ITPR2: variants seen among roughly 807,000 people sequenced by gnomAD.
ITPR2 encodes inositol 1,4,5-trisphosphate-gated calcium channel ITPR2.
In ITPR2, 207 loss-of-function variants were observed where a neutral mutation model predicts 317.1. That is an observed-to-expected ratio of 0.65 (90% CI 0.58 to 0.73). The LOEUF (loss-of-function observed/expected upper bound fraction) is 0.73, where lower values mean the gene tolerates loss of function less well. Among genes scored for constraint, ITPR2 ranks in the 30% least tolerant of loss-of-function variants. ITPR2 has a pLI of 0.00. For missense variants in ITPR2, 2,613 were observed against 3,284.0 expected (o/e 0.80, Z 4.99); for synonymous variants, 1,156 against 1,149.1 (o/e 1.01, Z -0.12).
At chr12:26,613,652 A>G (rs1946319310) in intron 26 of ITPR2, among the ~76,000 whole-genome samples, 1 of 152,182 alleles carries the variant, frequency 6.6e-6, no homozygotes, top group South Asian at 2.1e-4. Context: ...AGACCCTGGC[A>G]TAGAGTCAGG....
At chr12:26,796,161 A>G (rs1950439165) in intron 1 of ITPR2, among the ~76,000 whole-genome samples, 1 of 152,232 alleles carries the variant, frequency 6.6e-6, no homozygotes, top group Admixed American at 6.5e-5. Context: ...TCATTCATAC[A>G]AAGAAGCCAT....
intron 36 of ITPR2, among the ~76,000 whole-genome samples, chr12:26,553,053 G>A (rs948240029): frequency 6.6e-6 from 1 of 152,216 alleles, no homozygotes; most frequent in Non-Finnish European, 1.5e-5. Context: ...CTGTGTGGGA[G>A]TGTGTGTATA....
intron 26 of ITPR2, among the ~76,000 whole-genome samples, chr12:26,619,353 T>C (rs1192010777): frequency 6.6e-6 from 1 of 152,236 alleles, no homozygotes; most frequent in East Asian, 1.9e-4. Context: ...CATTCTTTCT[T>C]ATTCTTCCCT....
At chr12:26,733,174 C>T (rs901130911) in intron 2 of ITPR2, among the ~76,000 whole-genome samples, 10 of 151,888 alleles carry the variant, frequency 6.6e-5, no homozygotes, top group Admixed American at 5.9e-4. Context: ...ATTAGCCAGG[C>T]GCAGTGGCGT....
chr12:26,757,874 C>T (rs1248077201), intron 2 of ITPR2, among the ~76,000 whole-genome samples: 1 of 152,164 alleles, frequency 6.6e-6, no homozygotes, highest in Non-Finnish European at 1.5e-5. Context: ...GAGTCCTTAG[C>T]AAAATATCCT....
chr12:26,424,552 T>C (rs145622645), intron 49 of ITPR2, among the ~76,000 whole-genome samples: 6 of 151,664 alleles, frequency 4.0e-5, no homozygotes, highest in Admixed American at 1.3e-4. Flanking sequence ...AGCTTTGTAG[T>C]GAACTTGTTT....
At chr12:26,445,120 G>C (rs1941577368) in intron 45 of ITPR2, among the ~76,000 whole-genome samples, 1 of 152,142 alleles carries the variant, frequency 6.6e-6, no homozygotes, top group African/African-American at 2.4e-5. Flanking sequence ...TGATTTGTTT[G>C]CTGACTGGAT....
chr12:26,736,863 G>T (rs1949128128), intron 2 of ITPR2, among the ~76,000 whole-genome samples: 1 of 152,144 alleles, frequency 6.6e-6, no homozygotes, highest in Non-Finnish European at 1.5e-5. Context: ...TAACAAATTA[G>T]CCAGTATCCA....
chr12:26,371,656 C>G (rs1159471285), intron 55 of ITPR2, among the ~76,000 whole-genome samples: 1 of 152,176 alleles, frequency 6.6e-6, no homozygotes, highest in East Asian at 1.9e-4. Context: ...GAATTGAAAG[C>G]CTCATAAAGA....
intron 55 of ITPR2, among the ~76,000 whole-genome samples, chr12:26,368,144 C>T (rs1939070692): frequency 6.6e-6 from 1 of 152,170 alleles, no homozygotes; most frequent in African/African-American, 2.4e-5. Context: ...TATATGATTT[C>T]CCTATCATTC....
chr12:26,340,470 G>T, intron 55 of ITPR2, 142 bp from the exon 56 acceptor site: 1 of 832,474 alleles, frequency 1.2e-6, no homozygotes, highest in Non-Finnish European at 1.7e-6. Flanking sequence ...GGGAGGGGCT[G>T]AAGTAGGGCT....
chr12:26,538,834 C>CA (rs1944177146), intron 37 of ITPR2, among the ~76,000 whole-genome samples: 1 of 152,214 alleles, frequency 6.6e-6, no homozygotes, highest in African/African-American at 2.4e-5. Flanking sequence ...CTCCACCTCC[C>CA]AAAGTGCTAG....
chr12:26,461,983 T>G (rs935133367), intron 45 of ITPR2, among the ~76,000 whole-genome samples: 1 of 151,316 alleles, frequency 6.6e-6, no homozygotes, highest in African/African-American at 2.4e-5. Flanking sequence ...AACTATTTTG[T>G]CTTTCAGCAT....
At chr12:26,751,262 A>T (rs541607223) in intron 2 of ITPR2, among the ~76,000 whole-genome samples, 18 of 152,322 alleles carry the variant, frequency 1.2e-4, no homozygotes, top group South Asian at 1.0e-3. Context: ...GGGACATATG[A>T]TCCAAAAAGT....
At chr12:26,584,291 C>T (rs565168221) in intron 32 of ITPR2, among the ~76,000 whole-genome samples, 1 of 152,182 alleles carries the variant, frequency 6.6e-6, no homozygotes, top group South Asian at 2.1e-4. Context: ...CAGCCATCAA[C>T]GTTTCTGTGG....
intron 22 of ITPR2, among the ~76,000 whole-genome samples, chr12:26,628,411 A>T (rs1350324667): frequency 6.6e-6 from 1 of 152,242 alleles, no homozygotes; most frequent in Non-Finnish European, 1.5e-5. Context: ...CTGCTCTCTG[A>T]ATATTCCAGC....
chr12:26,572,865 G>A (rs569472730), intron 34 of ITPR2, among the ~76,000 whole-genome samples: 6 of 152,112 alleles, frequency 3.9e-5, no homozygotes, highest in South Asian at 4.2e-4. Flanking sequence ...AAAATTTGTT[G>A]TAATTTTGTC....
chr12:26,436,281 C>T lies in ITPR2; in HGVS notation c.6709G>A (p.Ala2237Thr). ...SLWGSISFNL[A>T]VFINLAVALF... ...GCAACAGCTAAATTGATGAACACAG[C>T]CAGGTTGAAGGAAATGCTCCCCCAG... The change falls in exon 48 of 57, where the codon GCT becomes ACT. Residue 2237 changes from alanine to threonine, a missense_variant. Around this residue, in one of 9 missense-constraint regions of ITPR2, gnomAD observed 926 missense variants for 1,072.8 expected, o/e 0.86. Coordinates refer to ENST00000381340, the MANE Select transcript of ITPR2 (RefSeq NM_002223.4). 1 of 1,613,114 alleles carries T rather than the reference C, an allele frequency of 6.2e-7. No individual in the cohort carries two copies. The highest frequency in any genetic ancestry group is 1.7e-5 in the Admixed American group (1 of 59,922).
rs190092641 is a variant in ITPR2 at position 26,516,367 on chromosome 12, C to T, written c.5074-21107G>A. 4.7e-3 allele frequency among the ~76,000 whole-genome samples: 431 copies of T among 92,216 alleles called. 3 individuals are homozygous for T. The highest frequency in any genetic ancestry group is 0.015 in the African/African-American group (411 of 27,358). 60.5% of individuals were successfully genotyped at this position (92,216 alleles called of 152,430 possible). ...GAAAGGAAAGGAAAGGAAAGGAAAGCTAAGCTGAGGAACTACTGTTATGAA... is the reference window on the plus strand; with the variant it reads ...GAAAGGAAAGGAAAGGAAAGGAAAGTTAAGCTGAGGAACTACTGTTATGAA... On this transcript the variant is annotated intron_variant, in intron 37 of 56. Coordinates refer to ENST00000381340, the MANE Select transcript of ITPR2 (RefSeq NM_002223.4).
Sources: gnomAD v4.1 joint callset for allele counts (sites outside exome capture counted in the v4.1 genomes callset) on GRCh38, gnomAD v4.1.1 for gene constraint, gnomAD v4.1.1 regional missense constraint, MANE v1.5 for transcripts, NCBI Gene and HGNC (gene_info 2026-07-23, HGNC 2026-07-21) for gene names.